The following COL9A1 variants were observed in gnomAD, a reference collection of about 807,000 sequenced individuals.
COL9A1 encodes the protein collagen type IX alpha 1 chain, also known as collagen alpha-1(IX) chain.
A neutral mutation model predicts 142.6 loss-of-function variants in COL9A1; 104 were observed. The observed-to-expected ratio is 0.73, with a 90% CI of 0.62 to 0.86. The LOEUF (loss-of-function observed/expected upper bound fraction) is 0.86, where lower values mean the gene tolerates loss of function less well. COL9A1 is among the 40% of genes least tolerant of loss of function. The probability of loss-of-function intolerance (pLI) is 0.00; values close to 1 mark genes in which losing one functional copy is unlikely to be tolerated. For missense variants in COL9A1, 1,210 were observed against 1,176.6 expected, an observed-to-expected ratio of 1.03 and a Z score of -0.42; for synonymous variants, 466 against 396.0, an observed-to-expected ratio of 1.18 and a Z score of -2.10.
chr6:70,229,944 A>G (rs529154394), intron 36 of COL9A1, among the ~76,000 whole-genome samples: 1 of 152,328 alleles, frequency 6.6e-6, no homozygotes, highest in Admixed American at 6.5e-5. Flanking sequence ...ACTAAGACAT[A>G]GGCTGAACTG....
At chr6:70,226,396 G>A (rs955925790) in intron 36 of COL9A1, among the ~76,000 whole-genome samples, 3 of 152,098 alleles carry the variant, frequency 2.0e-5, no homozygotes, top group Admixed American at 6.6e-5. Flanking sequence ...ATATAAAGAC[G>A]CCTACTTTAT....
intron 10 of COL9A1, chr6:70,275,297 A>G (rs561611303): frequency 6.5e-6 from 1 of 153,728 alleles, no homozygotes; most frequent in African/African-American, 2.4e-5. Flanking sequence ...CCTTATAGCC[A>G]CTAACAGCCC....
intron 33 of COL9A1, among the ~76,000 whole-genome samples, chr6:70,236,931 C>T (rs1769947771): frequency 6.6e-6 from 1 of 152,066 alleles, no homozygotes; most frequent in African/African-American, 2.4e-5. Context: ...AAGCGATTCT[C>T]CTGCCTCAGC....
At chr6:70,264,607 AT>A (rs1771898205) in intron 18 of COL9A1, among the ~76,000 whole-genome samples, 1 of 152,028 alleles carries the variant, frequency 6.6e-6, no homozygotes, top group African/African-American at 2.4e-5. Context: ...GTCCACTGAA[AT>A]TTTTCCATAA....
chr6:70,252,458 C>T, intron 26 of COL9A1, 143 bp from the exon 27 acceptor site: 1 of 767,572 alleles, frequency 1.3e-6, no homozygotes, highest in African/African-American at 1.8e-5. Context: ...TGTGCAGAAT[C>T]TCTTTCTTGT....
At chr6:70,267,448 G>A (rs539047684) in intron 17 of COL9A1, among the ~76,000 whole-genome samples, 14 of 150,760 alleles carry the variant, frequency 9.3e-5, no homozygotes, top group Admixed American at 4.6e-4. Context: ...TCAGCTTCCC[G>A]AGTAGCTGGG....
At chr6:70,287,777 T>C (rs1773512851) in intron 5 of COL9A1, among the ~76,000 whole-genome samples, 1 of 152,182 alleles carries the variant, frequency 6.6e-6, no homozygotes, top group South Asian at 2.1e-4. Flanking sequence ...CAGTTTCTTA[T>C]TCTATCCTTT....
chr6:70,301,127 A>G (rs936476978), intron 2 of COL9A1, among the ~76,000 whole-genome samples: 1 of 152,228 alleles, frequency 6.6e-6, no homozygotes, highest in African/African-American at 2.4e-5. Flanking sequence ...AAATCATAGA[A>G]TGGAATTGTG....
At chr6:70,240,974 T>C (rs1323256682) in intron 31 of COL9A1, among the ~76,000 whole-genome samples, 1 of 152,096 alleles carries the variant, frequency 6.6e-6, no homozygotes, top group Non-Finnish European at 1.5e-5. Flanking sequence ...TAAATGACCA[T>C]ATTCAACAAT....
rs765797067 is a variant in COL9A1, at chr6:70,234,542, G to C, written c.2311C>G (p.Gln771Glu). The change falls in exon 35 of 38, where the codon CAA (glutamine) becomes GAA (glutamate). Residue 771 changes from glutamine to glutamate, a missense_variant. Gln to Glu is a conservative substitution (Grantham distance 29). Coordinates refer to ENST00000357250, the MANE Select transcript of COL9A1 (RefSeq NM_001851.6). ...CAAACCATTGTGATTTATTTACCTT[G>C]TATGACTCTCATGCAAACCTGCTTA... is the stretch of plus-strand genomic sequence containing the variant. ...HIKQVCMRVI[Q>E]EHFAEMAASL... 3 of 1,614,078 alleles carry C rather than the reference G, an allele frequency of 1.9e-6. No individual in the cohort carries two copies. Among genetic ancestry groups the C allele is most frequent in the Non-Finnish European group, 2.5e-6 (3 of 1,179,946 alleles).
chr6:70,255,079 AT>A (rs1377862770), intron 23 of COL9A1, 63 bp from the exon 24 acceptor site: 2 of 1,613,270 alleles, frequency 1.2e-6, no homozygotes, highest in Non-Finnish European at 1.7e-6. Context: ...TCCCTTCATT[AT>A]TTTCTAAAGT....
chr6:70,295,488 A>G (rs1222214886), intron 4 of COL9A1, among the ~76,000 whole-genome samples: 1 of 151,536 alleles, frequency 6.6e-6, no homozygotes, highest in Non-Finnish European at 1.5e-5. Context: ...GTGTTTCGCC[A>G]TGTCAGTCAG....
At chr6:70,252,822 C>T (rs745922198) in intron 26 of COL9A1, among the ~76,000 whole-genome samples, 10 of 152,288 alleles carry the variant, frequency 6.6e-5, no homozygotes, top group African/African-American at 1.4e-4. Context: ...CAGCTCAAGA[C>T]GCTGCAGACC....
intron 18 of COL9A1, among the ~76,000 whole-genome samples, chr6:70,265,846 G>C (rs1328879438): frequency 1.3e-5 from 2 of 152,060 alleles, no homozygotes; most frequent in Admixed American, 6.5e-5. Context: ...TAGCTAAGAA[G>C]TTCAAGGGTA....
At chr6:70,273,317 G>T (rs1219887192) in intron 12 of COL9A1, among the ~76,000 whole-genome samples, 1 of 152,096 alleles carries the variant, frequency 6.6e-6, no homozygotes, top group Non-Finnish European at 1.5e-5. Flanking sequence ...AAACAAAAAG[G>T]CATCTCTATA....
chr6:70,219,386 G>A (rs754093013), intron 37 of COL9A1, among the ~76,000 whole-genome samples: 29 of 152,300 alleles, frequency 1.9e-4, no homozygotes, highest in Non-Finnish European at 3.2e-4. Context: ...ATTAGAACAC[G>A]ACCATGGTCA....
chr6:70,249,539 G>C lies in COL9A1; in HGVS notation c.1872+2581C>G, dbSNP rs7775334. 1.3e-3 allele frequency among the ~76,000 whole-genome samples: 196 copies of C among 152,204 alleles called. 2 individuals carry two copies. The highest frequency in any genetic ancestry group is 1.7e-3 in the Non-Finnish European group (116 of 68,018). On this transcript the variant is annotated intron_variant, in intron 28 of 37. Coordinates refer to ENST00000357250, the MANE Select transcript of COL9A1 (RefSeq NM_001851.6). The stretch of plus-strand genomic sequence containing the variant: ...AGCCAGGGTGATAGTAGTGGGAATG[G>C]AAATGAAGAGTCAAATATAAGAGAT...
chr6:70,221,821 G>C (rs1183169234), intron 37 of COL9A1, among the ~76,000 whole-genome samples: 1 of 152,176 alleles, frequency 6.6e-6, no homozygotes, highest in Non-Finnish European at 1.5e-5. Context: ...GGGCAAGTTT[G>C]GTGGCAGCAG....
intron 28 of COL9A1, 85 bp from the exon 29 acceptor site, chr6:70,242,800 T>A: frequency 7.4e-7 from 1 of 1,356,442 alleles, no homozygotes; most frequent in Non-Finnish European, 1.1e-6. Context: ...ACATCCTACC[T>A]AGGTTTTTTT....
Sources: gnomAD v4.1 joint callset for allele counts (sites outside exome capture counted in the v4.1 genomes callset) on GRCh38, gnomAD v4.1.1 for gene constraint, MANE v1.5 for transcripts, NCBI Gene and HGNC (gene_info 2026-07-23, HGNC 2026-07-21) for gene names.